MAGI1: variants seen among roughly 807,000 people sequenced by gnomAD.
MAGI1 encodes membrane associated guanylate kinase, WW and PDZ domain containing 1.
A neutral mutation model predicts 139.9 loss-of-function variants in MAGI1; 58 were observed. The ratio of observed to expected loss-of-function variants is 0.41; its 90% confidence interval spans 0.34 to 0.52. MAGI1 has a LOEUF of 0.52. MAGI1 is among the 20% of genes least tolerant of loss of function. MAGI1 has a pLI of 0.12. For missense variants in MAGI1, 1,874 were observed against 1,901.6 expected (o/e 0.99, Z 0.27); for synonymous variants, 812 against 737.9 (o/e 1.10, Z -1.63).
intron 1 of MAGI1, among the ~76,000 whole-genome samples, chr3:65,819,674 C>T (rs748552469): frequency 5.9e-5 from 9 of 151,604 alleles, no homozygotes; most frequent in Non-Finnish European, 1.0e-4. Context: ...GTCAAGAGAT[C>T]GAGACCATCC....
intron 1 of MAGI1, among the ~76,000 whole-genome samples, chr3:65,794,818 AAC>A (rs761548323): frequency 2.7e-5 from 4 of 150,406 alleles, no homozygotes; most frequent in Admixed American, 6.8e-5. Context: ...AGCTGAACAA[AAC>A]ACAACAAAAC....
At chr3:65,889,779 G>C (rs866602613) in intron 1 of MAGI1, among the ~76,000 whole-genome samples, 20 of 152,266 alleles carry the variant, frequency 1.3e-4, no homozygotes, top group Middle Eastern at 3.4e-3. Context: ...GGGGGCATGG[G>C]GGGTTGTCAG....
At chr3:65,365,097 A>T (rs142491721) in intron 18 of MAGI1, 151 bp from the exon 19 acceptor site, 1 of 782,706 alleles carries the variant, frequency 1.3e-6, no homozygotes, top group African/African-American at 1.7e-5. Context: ...GACAATTAGG[A>T]GTTTAATAAA....
At chr3:65,468,089 T>A (rs1950283800) in intron 5 of MAGI1, among the ~76,000 whole-genome samples, 1 of 152,192 alleles carries the variant, frequency 6.6e-6, no homozygotes, top group Non-Finnish European at 1.5e-5. Flanking sequence ...TATATATATG[T>A]ATAGAAAGCT....
intron 1 of MAGI1, among the ~76,000 whole-genome samples, chr3:65,706,076 A>T (rs925045513): frequency 2.0e-5 from 3 of 152,198 alleles, no homozygotes; most frequent in African/African-American, 4.8e-5. Context: ...CAGCAAACTA[A>T]GTTCTCCAAT....
In MAGI1 at chr3:65,439,884, G is replaced by T. The variant is rs1461638265; in HGVS notation, c.1265C>A (p.Thr422Lys). ...QQQQQQQQQQ[T>K]EEWTEDHSAL... Reference sequence around the variant, plus strand: ...CCTAGAGGAAAGAGGCCAACCTTCTGTCTGCTGCTGCTGCTGCTGCTGCTG... The same window carrying T: ...CCTAGAGGAAAGAGGCCAACCTTCTTTCTGCTGCTGCTGCTGCTGCTGCTG... The change falls in exon 9 of 23, where the codon ACA (threonine) becomes AAA (lysine). Residue 422 changes from threonine (T) to lysine (K), a missense_variant. By Grantham distance (78) the Thr-to-Lys change is moderately conservative. This residue lies in a region of MAGI1 where 648 missense variants were observed against 598.1 expected (regional missense o/e 1.08). Coordinates refer to ENST00000402939, the MANE Select transcript of MAGI1 (RefSeq NM_001033057.2). The T allele has an allele frequency of 5.7e-6, 9 of 1,580,462 alleles. No individual in the cohort carries two copies. The highest frequency in any genetic ancestry group is 6.8e-6 in the Non-Finnish European group (8 of 1,167,894).
chr3:65,839,204 T>C (rs913065452), intron 1 of MAGI1, among the ~76,000 whole-genome samples: 4 of 152,178 alleles, frequency 2.6e-5, no homozygotes, highest in Admixed American at 2.6e-4. Flanking sequence ...TGCCTAGTGA[T>C]ACTGTAGCCA....
intron 12 of MAGI1, among the ~76,000 whole-genome samples, chr3:65,404,158 G>T (rs766113804): frequency 1.3e-5 from 2 of 152,176 alleles, no homozygotes; most frequent in Non-Finnish European, 2.9e-5. Context: ...CATTTAAGGA[G>T]ACTTTAGCCT....
intron 9 of MAGI1, 121 bp downstream of exon 9, chr3:65,439,750 ATCAGCTCT>A: frequency 6.5e-7 from 1 of 1,540,466 alleles, no homozygotes; most frequent in Non-Finnish European, 8.7e-7. Flanking sequence ...CCCACAGGAC[ATCAGCTCT>A]TCAGTGTGGC....
chr3:65,385,712 C>T (rs1057176168), intron 14 of MAGI1, among the ~76,000 whole-genome samples: 3 of 152,168 alleles, frequency 2.0e-5, no homozygotes, highest in East Asian at 3.9e-4. Context: ...GCTTTCTATC[C>T]ACTGCTTTTA....
chr3:65,389,031 G>C (rs1246697035), intron 14 of MAGI1, among the ~76,000 whole-genome samples: 1 of 151,428 alleles, frequency 6.6e-6, no homozygotes, highest in Non-Finnish European at 1.5e-5. Flanking sequence ...TTTTAGCAGA[G>C]ACGGGGTTTC....
At chr3:65,762,437 T>C (rs1364978411) in intron 1 of MAGI1, among the ~76,000 whole-genome samples, 1 of 150,844 alleles carries the variant, frequency 6.6e-6, no homozygotes, top group Non-Finnish European at 1.5e-5. Flanking sequence ...ACAAGTGAAG[T>C]ACAAAGAATG....
intron 1 of MAGI1, among the ~76,000 whole-genome samples, chr3:65,686,936 A>AGGTT (rs1185909290): frequency 1.3e-5 from 2 of 152,206 alleles, no homozygotes; most frequent in African/African-American, 4.8e-5. Context: ...GGTTTACGGT[A>AGGTT]GCCCATTCGA....
intron 2 of MAGI1, among the ~76,000 whole-genome samples, chr3:65,510,003 C>T (rs538859293): frequency 6.6e-6 from 1 of 152,084 alleles, no homozygotes; most frequent in Non-Finnish European, 1.5e-5. Context: ...ACCCCTGACC[C>T]CCGAGCACCC....
chr3:65,749,763 G>A (rs796457027), intron 1 of MAGI1, among the ~76,000 whole-genome samples: 14 of 151,090 alleles, frequency 9.3e-5, no homozygotes, highest in African/African-American at 3.4e-4. Flanking sequence ...TGCAAATGAG[G>A]TTGAGGGTTA....
intron 1 of MAGI1, among the ~76,000 whole-genome samples, chr3:65,838,561 C>A (rs2058704134): frequency 6.6e-6 from 1 of 152,126 alleles, no homozygotes. Flanking sequence ...TTGTGTATAT[C>A]AATAGTTTGT....
chr3:65,986,187 G>C lies in MAGI1; in HGVS notation c.313+51809C>G, dbSNP rs2065870071. Among the ~76,000 whole-genome samples, 3 of 152,032 alleles carry C rather than the reference G, an allele frequency of 2.0e-5. No individual in the cohort carries two copies. In the South Asian group the frequency reaches 6.2e-4, roughly 32 times the overall value. Reference sequence around the variant, plus strand: ...TGCAACATCATTCTCTATTGGAATTGGCACATGAAACTTATATACCATCCT... The same window carrying C: ...TGCAACATCATTCTCTATTGGAATTCGCACATGAAACTTATATACCATCCT... On this transcript the variant is annotated intron_variant, in intron 1 of 22. Coordinates refer to ENST00000402939, the MANE Select transcript of MAGI1 (RefSeq NM_001033057.2).
At chr3:65,878,900 T>A (rs903573744) in intron 1 of MAGI1, among the ~76,000 whole-genome samples, 12 of 151,748 alleles carry the variant, frequency 7.9e-5, no homozygotes, top group Non-Finnish European at 1.3e-4. Flanking sequence ...GTGAGTATGG[T>A]TTTCTGCAGT....
At chr3:65,946,983 C>T (rs2063573131) in intron 1 of MAGI1, among the ~76,000 whole-genome samples, 1 of 152,138 alleles carries the variant, frequency 6.6e-6, no homozygotes, top group Admixed American at 6.5e-5. Flanking sequence ...AGTGTTTCAC[C>T]TCAGTATTTT....
Sources: allele counts gnomAD v4.1 joint callset (sites outside exome capture counted in the v4.1 genomes callset), GRCh38; gene constraint gnomAD v4.1.1; regional missense constraint gnomAD v4.1.1; transcripts MANE v1.5; gene names NCBI Gene and HGNC (gene_info 2026-07-23, HGNC 2026-07-21).